Variants in GPM6A observed in about 807,000 individuals in gnomAD.
GPM6A encodes the protein glycoprotein M6A.
GPM6A carries 7 observed loss-of-function variants against 32.1 expected under a neutral mutation model. That is an observed-to-expected ratio of 0.22 (90% CI 0.12 to 0.41). GPM6A has a LOEUF of 0.41. Ranked by LOEUF, GPM6A falls within the 10% of genes least tolerant of loss-of-function variation. The pLI is 1.00. For synonymous variants in GPM6A, 130 were observed against 123.4 expected (o/e 1.05, Z -0.35); for missense variants, 235 against 347.2 (o/e 0.68, Z 2.57).
chr4:175,844,885 CT>C (rs1736042682), intron 1 of GPM6A, among the ~76,000 whole-genome samples: 1 of 152,060 alleles, frequency 6.6e-6, no homozygotes, highest in Non-Finnish European at 1.5e-5. Flanking sequence ...ACAATTGCTA[CT>C]TCCTAAGAAG....
At chr4:175,986,316 C>A (rs1357188518) in intron 1 of GPM6A, among the ~76,000 whole-genome samples, 1 of 152,082 alleles carries the variant, frequency 6.6e-6, no homozygotes, top group African/African-American at 2.4e-5. Flanking sequence ...GAGAGAATTG[C>A]TTGAGGCCAA....
At chr4:175,934,720 G>A (rs1245693865) in intron 1 of GPM6A, among the ~76,000 whole-genome samples, 1 of 151,962 alleles carries the variant, frequency 6.6e-6, no homozygotes, top group Non-Finnish European at 1.5e-5. Context: ...AGAACGCGAG[G>A]GTAATAAAAC....
At chr4:175,706,161 C>T (rs1174666722) in intron 1 of GPM6A, among the ~76,000 whole-genome samples, 2 of 149,374 alleles carry the variant, frequency 1.3e-5, no homozygotes, top group African/African-American at 4.9e-5. Context: ...TGTACTAATA[C>T]AAGAAATAAC....
At chr4:175,737,625 T>C (rs761300089) in intron 1 of GPM6A, among the ~76,000 whole-genome samples, 8 of 152,204 alleles carry the variant, frequency 5.3e-5, no homozygotes, top group Non-Finnish European at 1.2e-4. Context: ...GAACAATAAT[T>C]GAATACTTAC....
chr4:175,777,513 CTTCT>C (rs1213810300), intron 1 of GPM6A, among the ~76,000 whole-genome samples: 1 of 151,908 alleles, frequency 6.6e-6, no homozygotes, highest in East Asian at 1.9e-4. Context: ...AGAACATTCT[CTTCT>C]TTATTAACTT....
At chr4:175,945,776 TACAACTCAGTAATACGGGTGCATATTACG>T (rs1739580670) in intron 1 of GPM6A, among the ~76,000 whole-genome samples, 19 of 147,790 alleles carry the variant, frequency 1.3e-4, no homozygotes, top group Non-Finnish European at 1.5e-4. Context: ...GCATATTACA[TACAACTCAGTAATACGGGTGCATATTACG>T]TACAACTCAG....
chr4:175,720,053 T>C (rs939549990), intron 1 of GPM6A, among the ~76,000 whole-genome samples: 1 of 152,224 alleles, frequency 6.6e-6, no homozygotes, highest in Non-Finnish European at 1.5e-5. Flanking sequence ...CACTGTTTTT[T>C]CTTACAGCAA....
At chr4:175,672,459 GA>G (rs746767128) in intron 3 of GPM6A, among the ~76,000 whole-genome samples, 3 of 152,186 alleles carry the variant, frequency 2.0e-5, no homozygotes, top group African/African-American at 4.8e-5. Context: ...TCTATTGACA[GA>G]AGGGAAATGA....
chr4:175,982,258 G>T (rs1579684699), intron 1 of GPM6A, among the ~76,000 whole-genome samples: 1 of 152,030 alleles, frequency 6.6e-6, no homozygotes, highest in Admixed American at 6.6e-5. Context: ...CATTTTGATG[G>T]ATATCAACTT....
chr4:175,660,637 A>G (rs1340610780), intron 3 of GPM6A, among the ~76,000 whole-genome samples: 1 of 152,216 alleles, frequency 6.6e-6, no homozygotes, highest in Non-Finnish European at 1.5e-5. Context: ...AAAAAACACA[A>G]AAAGAAAGTG....
intron 1 of GPM6A, among the ~76,000 whole-genome samples, chr4:175,825,531 GTCA>G (rs1735406895): frequency 1.3e-5 from 2 of 152,182 alleles, no homozygotes; most frequent in South Asian, 4.1e-4. Flanking sequence ...AGGAGCTAAT[GTCA>G]GGTTCTTACA....
Position 175,985,151 on chromosome 4 carries a change from T to C in GPM6A, c.-23+17158A>G, listed in dbSNP as rs546157923. 3.3e-5 allele frequency among the ~76,000 whole-genome samples: 5 copies of C among 152,338 alleles called. No individual in the cohort carries two copies. The South Asian group carries it at 1.0e-3, about 32-fold the overall frequency. On this transcript the variant is annotated intron_variant, in intron 1 of 7. Coordinates refer to the GPM6A transcript ENST00000280187. ...CATGAAAACTTTTTTGAAAATGTTC[T>C]TGAAATTGCATTTGAAAATATATGT...
chr4:175,878,687 T>A (rs1406134658), intron 1 of GPM6A, among the ~76,000 whole-genome samples: 1 of 152,076 alleles, frequency 6.6e-6, no homozygotes, highest in African/African-American at 2.4e-5. Flanking sequence ...CCTTGAAGGT[T>A]TCTGACATGC....
At chr4:175,947,212 A>G (rs1434767683) in intron 1 of GPM6A, among the ~76,000 whole-genome samples, 1 of 151,190 alleles carries the variant, frequency 6.6e-6, no homozygotes, top group Admixed American at 6.6e-5. Flanking sequence ...ACTAGCTCGA[A>G]TTTCCTCAAT....
chr4:175,851,306 G>A (rs188230646), intron 1 of GPM6A, among the ~76,000 whole-genome samples: 15 of 152,222 alleles, frequency 9.9e-5, no homozygotes, highest in Admixed American at 9.2e-4. Flanking sequence ...CCAACATGGT[G>A]AAATCCTGTC....
intron 1 of GPM6A, among the ~76,000 whole-genome samples, chr4:175,978,965 C>CA (rs761305638): frequency 0.1 from 13,064 of 125,308 alleles, 1,367 homozygotes; most frequent in African/African-American, 0.31. Context: ...CCATTTAAAG[C>CA]AAAAAAAAAA....
intron 1 of GPM6A, among the ~76,000 whole-genome samples, chr4:175,862,597 G>A (rs747184186): frequency 6.6e-6 from 1 of 152,050 alleles, no homozygotes; most frequent in Non-Finnish European, 1.5e-5. Flanking sequence ...GAACTTTCTT[G>A]TACAAGTACT....
At chr4:175,928,583 T>A (rs547915640) in intron 1 of GPM6A, among the ~76,000 whole-genome samples, 3 of 152,256 alleles carry the variant, frequency 2.0e-5, no homozygotes, top group African/African-American at 4.8e-5. Context: ...TATTGCAGAG[T>A]CATTTCAGAA....
intron 1 of GPM6A, among the ~76,000 whole-genome samples, chr4:175,866,578 T>G (rs920370906): frequency 6.6e-6 from 1 of 152,178 alleles, no homozygotes; most frequent in East Asian, 1.9e-4. Context: ...ATTCCCCGTG[T>G]TTTTGCATGG....
Sources: allele counts gnomAD v4.1 joint callset (sites outside exome capture counted in the v4.1 genomes callset), GRCh38; gene constraint gnomAD v4.1.1; transcripts MANE v1.5; gene names NCBI Gene and HGNC (gene_info 2026-07-23, HGNC 2026-07-21).